The following SCN10A variants were observed in gnomAD, a reference collection of about 807,000 sequenced individuals.
SCN10A encodes the protein sodium voltage-gated channel alpha subunit 10.
In SCN10A, 162 loss-of-function variants were observed where a neutral mutation model predicts 170.7. The observed-to-expected ratio is 0.95, with a 90% CI of 0.84 to 1.08. The LOEUF (loss-of-function observed/expected upper bound fraction) is 1.08. Ranked by LOEUF, SCN10A falls within the 50% of genes least tolerant of loss-of-function variation. The pLI is 0.00. For missense variants in SCN10A, 2,527 were observed against 2,436.9 expected (o/e 1.04, Z -0.78); for synonymous variants, 985 against 904.6 (o/e 1.09, Z -1.59).
chr3:38,728,212 T>G lies in SCN10A; in HGVS notation c.2640+330A>C, dbSNP rs1260922678. On this transcript the variant is annotated intron_variant, in intron 16 of 27. Transcript: ENST00000449082. ...TCATTTAATTCTCCCAGTAAACCCA[T>G]GAGTAAGCATTATTTTCTTGATTTT... 2.6e-5 allele frequency among the ~76,000 whole-genome samples: 4 copies of G among 152,196 alleles called. No homozygotes were observed. The South Asian group carries it at 6.2e-4, about 24-fold the overall frequency.
rs1028618421 is a variant in SCN10A, at chr3:38,793,817, T to C, written c.194A>G (p.Lys65Arg). 2.5e-6 allele frequency: 4 copies of C among 1,613,964 alleles called. No homozygotes were observed. Among genetic ancestry groups the C allele is most frequent in the Admixed American group, 1.7e-5 (1 of 60,002 alleles). The change falls in exon 2 of 28, where the codon AAG becomes AGG. Residue 65 changes from lysine to arginine, a missense_variant. Physicochemically the swap from Lys to Arg is conservative, Grantham distance 26 (BLOSUM62 2). Coordinates refer to ENST00000449082, the MANE Select transcript of SCN10A (RefSeq NM_006514.4). ...TTCTGCTGGGAGCTCACCATAGAAC[T>C]TGGGCAGCTGGTTGCAGGCTTTCAA... Reference protein sequence around the residue: ...LDLKACNQLPKFYGELPAELI... With the variant: ...LDLKACNQLPRFYGELPAELI...
At chr3:38,715,172 G>A (rs561606670) in intron 21 of SCN10A, among the ~76,000 whole-genome samples, 2 of 152,226 alleles carry the variant, frequency 1.3e-5, no homozygotes, top group African/African-American at 4.8e-5. Flanking sequence ...GGAGGTTTGG[G>A]GCCAGTTCCA....
chr3:38,746,973 C>T (rs891984907), intron 13 of SCN10A, among the ~76,000 whole-genome samples: 1 of 152,136 alleles, frequency 6.6e-6, no homozygotes, highest in African/African-American at 2.4e-5. Flanking sequence ...AGCATAATCC[C>T]TCTTAAAGAG....
At chr3:38,745,599 C>A (rs114088444) in intron 13 of SCN10A, among the ~76,000 whole-genome samples, 2 of 152,058 alleles carry the variant, frequency 1.3e-5, no homozygotes, top group African/African-American at 4.8e-5. Flanking sequence ...GTCTGTACAC[C>A]ATATCTCCAT....
chr3:38,735,097 G>T (rs1365947998), intron 15 of SCN10A, among the ~76,000 whole-genome samples: 4 of 150,678 alleles, frequency 2.7e-5, no homozygotes, highest in Non-Finnish European at 5.9e-5. Context: ...GTGAACCCGG[G>T]AGGTGGAGCT....
intron 13 of SCN10A, among the ~76,000 whole-genome samples, chr3:38,743,342 C>T (rs149027411): frequency 6.6e-6 from 1 of 152,196 alleles, no homozygotes; most frequent in African/African-American, 2.4e-5. Context: ...TATTCAAGGC[C>T]TGCATCATCC....
At chr3:38,705,466 A>G (rs1176037050) in intron 26 of SCN10A, among the ~76,000 whole-genome samples, 1 of 152,088 alleles carries the variant, frequency 6.6e-6, no homozygotes, top group African/African-American at 2.4e-5. Flanking sequence ...AGAAATGGTG[A>G]TTTTGTTGCA....
chr3:38,701,807 G>A, intron 27 of SCN10A, 32 bp downstream of exon 27: 1 of 1,569,238 alleles, frequency 6.4e-7, no homozygotes, highest in Non-Finnish European at 8.6e-7. Flanking sequence ...AAACAGAGGT[G>A]GGGCTTCCCC....
Position 38,722,509 on chromosome 3 carries a change from C to T in SCN10A, c.3353-97G>A, listed in dbSNP as rs1367592319. 6 of 1,410,428 alleles carry T rather than the reference C, an allele frequency of 4.3e-6. No individual in the cohort carries two copies. In the African/African-American group the frequency reaches 7.1e-5, roughly 17 times the overall value. The allele number at this position is 1,410,428 out of a possible 1,614,324, so 87.4% of individuals were successfully genotyped here. ...AGAAACCATTCTGCTAGGAAACCCA[C>T]TTGTCATGCCCTTGGAAAAAAATTC... On this transcript the variant is annotated intron_variant, in intron 19 of 27. Coordinates refer to ENST00000449082, the MANE Select transcript of SCN10A (RefSeq NM_006514.4).
intron 13 of SCN10A, among the ~76,000 whole-genome samples, chr3:38,745,463 AAAAC>A (rs907415918): frequency 2.0e-5 from 3 of 152,118 alleles, no homozygotes; most frequent in Non-Finnish European, 2.9e-5. Flanking sequence ...AAATATGCTC[AAAAC>A]AAACAAACAA....
At chr3:38,740,017 G>C (rs1028368373) in intron 14 of SCN10A, among the ~76,000 whole-genome samples, 1 of 152,282 alleles carries the variant, frequency 6.6e-6, no homozygotes, top group South Asian at 2.1e-4. Context: ...TAGTTAAAAC[G>C]TGTGGGTTGT....
chr3:38,750,898 A>G (rs2063739809), intron 12 of SCN10A, among the ~76,000 whole-genome samples: 1 of 152,196 alleles, frequency 6.6e-6, no homozygotes, highest in Non-Finnish European at 1.5e-5. Flanking sequence ...CATTTTCTAG[A>G]GTGCTAATGC....
intron 26 of SCN10A, among the ~76,000 whole-genome samples, chr3:38,705,859 A>C (rs934369907): frequency 6.6e-6 from 1 of 152,250 alleles, no homozygotes; most frequent in Admixed American, 6.5e-5. Context: ...CTTCTCAGTA[A>C]GTCTTAGGGT....
At chr3:38,748,974 T>A (rs1328338211) in intron 13 of SCN10A, among the ~76,000 whole-genome samples, 2 of 152,230 alleles carry the variant, frequency 1.3e-5, no homozygotes, top group Non-Finnish European at 2.9e-5. Context: ...CCTTTGTTAA[T>A]GCACTGCTCT....
chr3:38,788,018 A>G (rs545834669), intron 4 of SCN10A, among the ~76,000 whole-genome samples: 1 of 152,200 alleles, frequency 6.6e-6, no homozygotes, highest in Admixed American at 6.5e-5. Context: ...ATGACTGCAT[A>G]GCATTCCATG....
At chr3:38,713,024 T>C (rs1159208035) in intron 22 of SCN10A, among the ~76,000 whole-genome samples, 1 of 152,212 alleles carries the variant, frequency 6.6e-6, no homozygotes, top group African/African-American at 2.4e-5. Context: ...GATGACTACT[T>C]CCAGCCAATG....
rs201985536 is a variant in SCN10A, at chr3:38,698,127, C to T, written c.5093G>A (p.Gly1698Asp). ...GATGTAGGTGGTGAAGAAGATGATG[C>T]CTACGGCTGGGCTCCCACAGTCCCC... Reference protein sequence around the residue: ...TRGDCGSPAVGIIFFTTYIII... With the variant: ...TRGDCGSPAVDIIFFTTYIII... The change falls in exon 28 of 28, where the codon GGC (glycine) becomes GAC (aspartate). Residue 1698 changes from glycine to aspartate, a missense_variant. Gly to Asp is a moderately conservative substitution (Grantham distance 94). Transcript: ENST00000449082. 1 of 1,614,128 alleles carries T rather than the reference C, an allele frequency of 6.2e-7. No individual in the cohort carries two copies. The highest frequency in any genetic ancestry group is 8.5e-7 in the Non-Finnish European group (1 of 1,180,014).
intron 26 of SCN10A, among the ~76,000 whole-genome samples, chr3:38,705,087 AG>A (rs2063196133): frequency 6.6e-6 from 1 of 152,226 alleles, no homozygotes; most frequent in African/African-American, 2.4e-5. Flanking sequence ...GGATGGTCCA[AG>A]ACCTATGGGT....
At chr3:38,701,710 A>T in intron 27 of SCN10A, 129 bp downstream of exon 27, 1 of 852,434 alleles carries the variant, frequency 1.2e-6, no homozygotes, top group South Asian at 1.9e-5. Context: ...GAAAGCTGCA[A>T]ATACAGGGTT....
Sources: gnomAD v4.1 joint callset for allele counts (sites outside exome capture counted in the v4.1 genomes callset) on GRCh38, gnomAD v4.1.1 for gene constraint, MANE v1.5 for transcripts, NCBI Gene and HGNC (gene_info 2026-07-23, HGNC 2026-07-21) for gene names.